The following EIF3H variants were observed in gnomAD, a reference collection of about 807,000 sequenced individuals.
EIF3H encodes eukaryotic translation initiation factor 3 subunit H.
Under a neutral mutation model 44.2 loss-of-function variants are expected in EIF3H, and 26 were observed. The observed-to-expected ratio is 0.59, with a 90% CI of 0.43 to 0.82. The LOEUF (loss-of-function observed/expected upper bound fraction) is 0.82. EIF3H is among the 40% of genes least tolerant of loss of function. The pLI is 0.00. For missense variants in EIF3H, 359 were observed against 432.8 expected (o/e 0.83, Z 1.51); for synonymous variants, 166 against 151.9 (o/e 1.09, Z -0.68).
upstream of EIF3H, among the ~76,000 whole-genome samples, chr8:116,759,412 G>A (rs972534519): frequency 6.6e-6 from 1 of 152,148 alleles, no homozygotes; most frequent in East Asian, 1.9e-4. Context: ...CAGCTTTTGT[G>A]GCATAATAAC....
Position 116,675,637 on chromosome 8 carries a change from TA to T in EIF3H, c.290-16658del, listed in dbSNP as rs774825081. Among the ~76,000 whole-genome samples, 12 of 152,316 alleles carry T rather than the reference TA, an allele frequency of 7.9e-5. No homozygotes were observed. In the East Asian group the frequency reaches 2.1e-3, roughly 27 times the overall value. On this transcript the variant is annotated intron_variant, in intron 2 of 7. Transcript: ENST00000521861. Reference sequence around the variant, plus strand: ...AAATGTCAAATTTATTTTAGTCAAATAAAACAGTGCTATGTTACTATTTTTA... The same window carrying T: ...AAATGTCAAATTTATTTTAGTCAAATAAACAGTGCTATGTTACTATTTTTA...
chr8:116,697,176 TC>T (rs1446154652), intron 2 of EIF3H: 1 of 456,156 alleles, frequency 2.2e-6, no homozygotes, highest in Non-Finnish European at 4.4e-6. Context: ...GTGCCTCTTC[TC>T]CTGTGTGTGC....
intron 5 of EIF3H, among the ~76,000 whole-genome samples, chr8:116,654,095 T>C (rs1310805279): frequency 4.6e-5 from 7 of 152,244 alleles, no homozygotes; most frequent in Non-Finnish European, 1.0e-4. Flanking sequence ...TTTGGTTCAA[T>C]GTAAGTGTCT....
At chr8:116,669,933 G>A (rs931741119) in intron 2 of EIF3H, among the ~76,000 whole-genome samples, 1 of 152,012 alleles carries the variant, frequency 6.6e-6, no homozygotes, top group Admixed American at 6.6e-5. Context: ...AACACTTTTC[G>A]TAGGATAGGA....
chr8:116,673,380 T>C (rs1282621574), intron 2 of EIF3H, among the ~76,000 whole-genome samples: 1 of 152,232 alleles, frequency 6.6e-6, no homozygotes, highest in Non-Finnish European at 1.5e-5. Context: ...ATTCATATCA[T>C]ACTGTGGTAT....
rs1207807398 is a variant in EIF3H at position 116,733,043 on chromosome 8, C to T, written c.133-6871G>A. Among the ~76,000 whole-genome samples, 9 of 152,292 alleles carry T rather than the reference C, an allele frequency of 5.9e-5. No homozygotes were observed. In the South Asian group the frequency reaches 1.2e-3, roughly 21 times the overall value. ...AAATCCAGGCCTCCAGTACTTCTGA[C>T]CAACCAGTTATAAATCAGGAGTTCC... On this transcript the variant is annotated intron_variant, in intron 1 of 7. Coordinates refer to ENST00000521861, the MANE Select transcript of EIF3H (RefSeq NM_003756.3).
At chr8:116,673,026 A>AAC (rs1418678852) in intron 2 of EIF3H, among the ~76,000 whole-genome samples, 1 of 146,424 alleles carries the variant, frequency 6.8e-6, no homozygotes, top group African/African-American at 2.5e-5. Flanking sequence ...AAAAAAAAAC[A>AAC]CCACAAAAAA....
At chr8:116,699,080 C>T (rs1814323512) in intron 2 of EIF3H, among the ~76,000 whole-genome samples, 1 of 151,300 alleles carries the variant, frequency 6.6e-6, no homozygotes, top group South Asian at 2.1e-4. Flanking sequence ...GCCCGGGAGG[C>T]GGAGGTTGCA....
intron 2 of EIF3H, among the ~76,000 whole-genome samples, chr8:116,704,015 G>C (rs1431748054): frequency 6.6e-6 from 1 of 152,134 alleles, no homozygotes; most frequent in Non-Finnish European, 1.5e-5. Flanking sequence ...GTGGCCTGGG[G>C]GCTGGGGACT....
intron 5 of EIF3H, among the ~76,000 whole-genome samples, chr8:116,650,720 T>C (rs1813374852): frequency 6.6e-6 from 1 of 152,164 alleles, no homozygotes; most frequent in African/African-American, 2.4e-5. Context: ...GCTGGTGCAG[T>C]GGGGCGACCT....
chr8:116,756,728 A>G (rs1167501877), upstream of EIF3H, among the ~76,000 whole-genome samples: 1 of 152,250 alleles, frequency 6.6e-6, no homozygotes, highest in African/African-American at 2.4e-5. Flanking sequence ...AGAAATAGTT[A>G]CATGTTACAA....
intron 2 of EIF3H, among the ~76,000 whole-genome samples, chr8:116,696,157 A>G (rs1359419361): frequency 1.3e-5 from 2 of 152,246 alleles, no homozygotes; most frequent in Admixed American, 6.5e-5. Flanking sequence ...GGCTCCTTAG[A>G]AATGACTGAA....
intron 2 of EIF3H, chr8:116,689,010 C>T (rs530309651): frequency 5.1e-6 from 2 of 395,868 alleles, no homozygotes; most frequent in East Asian, 8.0e-5. Flanking sequence ...CACAGATTTA[C>T]AGCAGCATTA....
At chr8:116,701,676 C>T (rs1814377567) in intron 2 of EIF3H, among the ~76,000 whole-genome samples, 1 of 152,152 alleles carries the variant, frequency 6.6e-6, no homozygotes, top group African/African-American at 2.4e-5. Flanking sequence ...TTCTTCCCTA[C>T]AATCATGAGA....
chr8:116,653,807 A>T lies in EIF3H; in HGVS notation c.707+2049T>A, dbSNP rs184676543. Among the ~76,000 whole-genome samples the T allele has an allele frequency of 3.9e-4, 59 of 152,322 alleles. 1 individual carries two copies. Among genetic ancestry groups the T allele is most frequent in the Admixed American group, 3.5e-3 (53 of 15,294 alleles). ...AACTTCCATCTAATAAAATTAAAATAAAAAAATTTGAATTTTTCAACAAAA... is the reference window on the plus strand; with the variant it reads ...AACTTCCATCTAATAAAATTAAAATTAAAAAATTTGAATTTTTCAACAAAA... On this transcript the variant is annotated intron_variant, in intron 5 of 7. Coordinates refer to ENST00000521861, the MANE Select transcript of EIF3H (RefSeq NM_003756.3).
At chr8:116,725,913 C>T in intron 2 of EIF3H, 103 bp downstream of exon 2, 1 of 1,370,886 alleles carries the variant, frequency 7.3e-7, no homozygotes, top group South Asian at 1.6e-5. Context: ...GTAGGCTAGC[C>T]TGACAGATTC....
At position 116,749,098 on chromosome 8, in the gene EIF3H, A is replaced by G. The variant is rs540665333; in HGVS notation, c.132+6568T>C. ...AACCAGGGGAATAAGGTATCTAATA[A>G]GATAACTTAAAGGGGAAAACAAAAT... On this transcript the variant is annotated intron_variant, in intron 1 of 7. Coordinates refer to ENST00000521861, the MANE Select transcript of EIF3H (RefSeq NM_003756.3). 4.8e-4 allele frequency among the ~76,000 whole-genome samples: 73 copies of G among 152,328 alleles called. No individual in the cohort carries two copies. The East Asian group carries it at 0.013, about 27-fold the overall frequency.
intron 2 of EIF3H, among the ~76,000 whole-genome samples, chr8:116,716,207 G>GA (rs1814657266): frequency 6.6e-6 from 1 of 151,992 alleles, no homozygotes. Flanking sequence ...ACTAGAGTCA[G>GA]AAAAAATTGG....
At chr8:116,758,269 A>C (rs1815481151), upstream of EIF3H, among the ~76,000 whole-genome samples, 1 of 152,230 alleles carries the variant, frequency 6.6e-6, no homozygotes, top group African/African-American at 2.4e-5. Context: ...AGACAGAAGG[A>C]GACATCAAAT....
Sources: allele counts gnomAD v4.1 joint callset (sites outside exome capture counted in the v4.1 genomes callset), GRCh38; gene constraint gnomAD v4.1.1; transcripts MANE v1.5; gene names NCBI Gene and HGNC (gene_info 2026-07-23, HGNC 2026-07-21).